The following RASGRF2 variants were observed in gnomAD, a reference collection of about 807,000 sequenced individuals.
The protein encoded by RASGRF2 is ras-specific guanine nucleotide-releasing factor 2.
In RASGRF2, 76 loss-of-function variants were observed where a neutral mutation model predicts 151.0. That is an observed-to-expected ratio of 0.50 (90% CI 0.42 to 0.61). RASGRF2 has a LOEUF of 0.61. Ranked by LOEUF, RASGRF2 falls within the 20% of genes least tolerant of loss-of-function variation. The pLI is 0.00. For synonymous variants in RASGRF2, 504 were observed against 566.5 expected, an observed-to-expected ratio of 0.89 and a Z score of 1.57; for missense variants, 1,148 against 1,564.6, an observed-to-expected ratio of 0.73 and a Z score of 4.49.
intron 1 of RASGRF2, among the ~76,000 whole-genome samples, chr5:81,034,386 T>TGTG: frequency 6.6e-6 from 1 of 152,120 alleles, no homozygotes; most frequent in Non-Finnish European, 1.5e-5. Context: ...TGGAAGACAG[T>TGTG]GTGGCGATTC....
At chr5:81,042,477 A>G (rs1266748009) in intron 1 of RASGRF2, among the ~76,000 whole-genome samples, 1 of 152,256 alleles carries the variant, frequency 6.6e-6, no homozygotes, top group Non-Finnish European at 1.5e-5. Context: ...AATAGAACAG[A>G]CAATAAAATT....
intron 17 of RASGRF2, among the ~76,000 whole-genome samples, chr5:81,154,339 C>T (rs550947409): frequency 2.0e-4 from 31 of 152,264 alleles, no homozygotes; most frequent in Middle Eastern, 6.8e-3. Flanking sequence ...TAATCTTGAA[C>T]TCCTGGGCTC....
chr5:81,107,275 T>A (rs910506787), intron 12 of RASGRF2, among the ~76,000 whole-genome samples: 2 of 151,296 alleles, frequency 1.3e-5, no homozygotes, highest in Non-Finnish European at 2.9e-5. Context: ...GGTAGGAGGA[T>A]CACTTGATCC....
At chr5:81,065,337 G>A (rs1299637201) in intron 2 of RASGRF2, among the ~76,000 whole-genome samples, 4 of 152,212 alleles carry the variant, frequency 2.6e-5, no homozygotes, top group Non-Finnish European at 5.9e-5. Flanking sequence ...TGAATACAGT[G>A]TATTTTATTT....
chr5:81,102,125 T>G (rs563016692), intron 12 of RASGRF2, among the ~76,000 whole-genome samples: 2 of 152,308 alleles, frequency 1.3e-5, no homozygotes, highest in South Asian at 4.2e-4. Flanking sequence ...CAAGGGAATT[T>G]AAAGCCATAG....
intron 18 of RASGRF2, among the ~76,000 whole-genome samples, chr5:81,194,101 C>T (rs1342959304): frequency 6.6e-6 from 1 of 150,398 alleles, no homozygotes; most frequent in Non-Finnish European, 1.5e-5. Context: ...CCCAGCATTT[C>T]GGGAGGCCAA....
chr5:81,143,299 T>A (rs1753927228), intron 17 of RASGRF2, among the ~76,000 whole-genome samples: 1 of 151,834 alleles, frequency 6.6e-6, no homozygotes, highest in South Asian at 2.1e-4. Context: ...AGGCGCATGC[T>A]ACCACGCCTG....
chr5:81,164,600 A>G (rs1275848175), intron 17 of RASGRF2, among the ~76,000 whole-genome samples: 3 of 152,204 alleles, frequency 2.0e-5, no homozygotes, highest in Non-Finnish European at 4.4e-5. Context: ...AGACTGTTAA[A>G]TCATTTCTTG....
At chr5:81,082,608 C>CT (rs1294004667) in intron 7 of RASGRF2, among the ~76,000 whole-genome samples, 30 of 152,310 alleles carry the variant, frequency 2.0e-4, no homozygotes, top group Non-Finnish European at 4.4e-5. Context: ...CCTAGAGTGA[C>CT]TACACTAGTT....
Position 81,108,976 on chromosome 5 carries a change from G to A in RASGRF2, c.1756-20G>A, listed in dbSNP as rs772504559. 6.3e-7 allele frequency: 1 copy of A among 1,593,402 alleles called. No individual in the cohort carries two copies. On this transcript the variant is annotated intron_variant, in intron 12 of 26. Coordinates refer to ENST00000265080, the MANE Select transcript of RASGRF2 (RefSeq NM_006909.3). ...CTAGGCTTTCATGTGGGTTGTAATT[G>A]TCAACTTTTTATTTCACAGTGTGTG...
intron 17 of RASGRF2, among the ~76,000 whole-genome samples, chr5:81,154,264 G>A (rs528199740): frequency 1.3e-5 from 2 of 152,104 alleles, no homozygotes; most frequent in Non-Finnish European, 2.9e-5. Context: ...TACATTTGGG[G>A]TTTTTTTAGA....
chr5:81,199,480 G>GGGAGTAATTGTAATGTAATAATTAA (rs1423648601), intron 18 of RASGRF2, among the ~76,000 whole-genome samples: 2 of 152,162 alleles, frequency 1.3e-5, no homozygotes, highest in African/African-American at 2.4e-5. Flanking sequence ...TAATTAATAA[G>GGGAGTAATTGTAATGTAATAATTAA]TAATCTCTGA....
chr5:81,154,775 A>T, intron 17 of RASGRF2, among the ~76,000 whole-genome samples: 1 of 152,304 alleles, frequency 6.6e-6, no homozygotes, highest in Non-Finnish European at 1.5e-5. Flanking sequence ...TACTGGTTTC[A>T]TTTCCTTTGT....
intron 17 of RASGRF2, among the ~76,000 whole-genome samples, chr5:81,161,726 C>T (rs1235791916): frequency 6.6e-6 from 1 of 152,144 alleles, no homozygotes; most frequent in East Asian, 1.9e-4. Context: ...CTCTTTCCAG[C>T]TTGTATACAG....
At chr5:81,103,245 A>G (rs1223947890) in intron 12 of RASGRF2, among the ~76,000 whole-genome samples, 2 of 152,110 alleles carry the variant, frequency 1.3e-5, no homozygotes. Flanking sequence ...ATTAAGAGCC[A>G]GGTTATATAT....
chr5:81,212,336 C>A, intron 22 of RASGRF2, 30 bp from the exon 23 acceptor site: 1 of 1,549,162 alleles, frequency 6.5e-7, no homozygotes. Context: ...GGCTCTTAGA[C>A]TGCCTTTCGG....
chr5:80,963,752 A>AT (rs1320350420), intron 1 of RASGRF2, among the ~76,000 whole-genome samples: 1 of 152,226 alleles, frequency 6.6e-6, no homozygotes, highest in Non-Finnish European at 1.5e-5. Context: ...AGGCAGAGAC[A>AT]TTCTTATTAC....
At chr5:81,008,030 C>G (rs941528805) in intron 1 of RASGRF2, among the ~76,000 whole-genome samples, 3 of 151,880 alleles carry the variant, frequency 2.0e-5, no homozygotes, top group Non-Finnish European at 2.9e-5. Context: ...TTCTGATAGG[C>G]CAAAATTGCA....
At chr5:81,201,626 C>G (rs532555908) in intron 19 of RASGRF2, among the ~76,000 whole-genome samples, 184 bp downstream of exon 19, 2 of 152,108 alleles carry the variant, frequency 1.3e-5, no homozygotes, top group African/African-American at 4.8e-5. Context: ...CAGGAAGACT[C>G]GGGACGGGGT....
Sources: allele counts gnomAD v4.1 joint callset (sites outside exome capture counted in the v4.1 genomes callset), GRCh38; gene constraint gnomAD v4.1.1; transcripts MANE v1.5; gene names NCBI Gene and HGNC (gene_info 2026-07-23, HGNC 2026-07-21).